DOCK3: variants seen among roughly 807,000 people sequenced by gnomAD.
The protein encoded by DOCK3 is dedicator of cytokinesis protein 3.
Under a neutral mutation model 265.6 loss-of-function variants are expected in DOCK3, and 60 were observed. The ratio of observed to expected loss-of-function variants is 0.23; its 90% CI spans 0.18 to 0.28. The LOEUF is 0.28. Ranked by LOEUF, DOCK3 falls within the 10% of genes least tolerant of loss-of-function variation. The probability of loss-of-function intolerance (pLI) is 1.00; values close to 1 mark genes in which losing one functional copy is unlikely to be tolerated. For missense variants in DOCK3, 1,981 were observed against 2,594.3 expected (o/e 0.76, Z 5.14); for synonymous variants, 881 against 938.0 (o/e 0.94, Z 1.11).
At chr3:51,006,238 A>C (rs2078671149) in intron 5 of DOCK3, among the ~76,000 whole-genome samples, 1 of 107,932 alleles carries the variant, frequency 9.3e-6, no homozygotes, top group South Asian at 3.5e-4. Context: ...CACACTTCTT[A>C]TTTCCCAATC....
At chr3:50,973,231 G>A (rs1444617622) in intron 5 of DOCK3, among the ~76,000 whole-genome samples, 1 of 149,318 alleles carries the variant, frequency 6.7e-6, no homozygotes, top group African/African-American at 2.5e-5. Flanking sequence ...CTGGTGCGCT[G>A]CACCCACTAA....
At chr3:51,207,635 T>C (rs2089287020) in intron 12 of DOCK3, among the ~76,000 whole-genome samples, 1 of 152,172 alleles carries the variant, frequency 6.6e-6, no homozygotes, top group Non-Finnish European at 1.5e-5. Context: ...TGACCTCCTT[T>C]ATCTCTGAGT....
intron 39 of DOCK3, among the ~76,000 whole-genome samples, chr3:51,349,441 G>C (rs2085820904): frequency 6.6e-6 from 1 of 152,142 alleles, no homozygotes; most frequent in African/African-American, 2.4e-5. Context: ...AATCATAATG[G>C]CTGCTGATTT....
At chr3:50,911,649 G>A (rs2107927318) in intron 4 of DOCK3, among the ~76,000 whole-genome samples, 1 of 151,830 alleles carries the variant, frequency 6.6e-6, no homozygotes, top group East Asian at 1.9e-4. Context: ...AAATTTTGTA[G>A]TACCATACAG....
chr3:50,985,770 A>G (rs1320102759), intron 5 of DOCK3, among the ~76,000 whole-genome samples: 1 of 151,980 alleles, frequency 6.6e-6, no homozygotes, highest in Non-Finnish European at 1.5e-5. Context: ...TTTGACAGGT[A>G]TGAATGTATT....
intron 2 of DOCK3, among the ~76,000 whole-genome samples, chr3:50,795,374 T>C (rs560758132): frequency 3.3e-5 from 5 of 152,136 alleles, no homozygotes; most frequent in Admixed American, 1.3e-4. Flanking sequence ...CAATGAGTTA[T>C]GGATTTTGTC....
intron 9 of DOCK3, among the ~76,000 whole-genome samples, chr3:51,138,141 G>T (rs920856455): frequency 6.6e-6 from 1 of 152,162 alleles, no homozygotes; most frequent in East Asian, 1.9e-4. Flanking sequence ...AAGTCCTAGA[G>T]GGTAGAAACC....
chr3:51,311,743 G>C (rs1324954522), intron 28 of DOCK3, among the ~76,000 whole-genome samples: 2 of 152,156 alleles, frequency 1.3e-5, no homozygotes, highest in Non-Finnish European at 2.9e-5. Context: ...ATGAAGGCCA[G>C]GTAATGACAG....
intron 32 of DOCK3, among the ~76,000 whole-genome samples, chr3:51,318,963 T>A (rs1209926340): frequency 6.6e-6 from 1 of 152,142 alleles, no homozygotes; most frequent in Non-Finnish European, 1.5e-5. Flanking sequence ...GCAGATTCCT[T>A]GGGATTTTCT....
At chr3:50,752,507 CAAAAAAAAAA>C (rs1225389276) in intron 1 of DOCK3, among the ~76,000 whole-genome samples, 16 of 30,044 alleles carry the variant, frequency 5.3e-4, no homozygotes, top group Middle Eastern at 0.022. Flanking sequence ...GAGTCCGTCT[CAAAAAAAAAA>C]AAAAAACAAA....
intron 5 of DOCK3, among the ~76,000 whole-genome samples, chr3:50,941,975 G>A (rs575372688): frequency 1.3e-5 from 2 of 152,154 alleles, no homozygotes; most frequent in Admixed American, 1.3e-4. Flanking sequence ...AGTTCTGATT[G>A]TGGTGATAGC....
intron 4 of DOCK3, among the ~76,000 whole-genome samples, chr3:50,922,581 T>G (rs542828328): frequency 9.2e-5 from 14 of 152,246 alleles, no homozygotes; most frequent in South Asian, 8.3e-4. Flanking sequence ...ACCCGGTACC[T>G]CAATTGGAAA....
chr3:50,783,324 TC>T (rs2042021717), intron 2 of DOCK3, among the ~76,000 whole-genome samples: 1 of 152,168 alleles, frequency 6.6e-6, no homozygotes, highest in Non-Finnish European at 1.5e-5. Flanking sequence ...TTTCACCACA[TC>T]CGTGCCAATA....
chr3:50,808,871 G>A (rs150406534), intron 2 of DOCK3, among the ~76,000 whole-genome samples: 3 of 152,312 alleles, frequency 2.0e-5, no homozygotes, highest in African/African-American at 7.2e-5. Flanking sequence ...AATTGAAAAT[G>A]ATGGCCTATC....
At chr3:51,009,402 TA>T (rs1421935153) in intron 5 of DOCK3, among the ~76,000 whole-genome samples, 4 of 152,160 alleles carry the variant, frequency 2.6e-5, no homozygotes, top group African/African-American at 9.6e-5. Context: ...AGTTTATTTT[TA>T]TAGAGGTGTT....
intron 4 of DOCK3, among the ~76,000 whole-genome samples, chr3:50,924,075 G>A (rs571198894): frequency 2.6e-5 from 4 of 152,116 alleles, no homozygotes; most frequent in Non-Finnish European, 5.9e-5. Flanking sequence ...GGGAATCTCA[G>A]CTTCAATATA....
intron 2 of DOCK3, among the ~76,000 whole-genome samples, chr3:50,800,564 T>C (rs1483368306): frequency 1.3e-5 from 2 of 152,090 alleles, no homozygotes; most frequent in Admixed American, 1.3e-4. Context: ...TTGGATCTTC[T>C]CTTTTTTCTT....
intron 5 of DOCK3, among the ~76,000 whole-genome samples, chr3:51,017,852 C>T (rs1441997180): frequency 6.6e-6 from 1 of 151,868 alleles, no homozygotes; most frequent in Non-Finnish European, 1.5e-5. Context: ...CAAATTTACT[C>T]TTCTGTCAAC....
intron 1 of DOCK3, among the ~76,000 whole-genome samples, chr3:50,692,660 T>C (rs986753658): frequency 6.6e-6 from 1 of 152,198 alleles, no homozygotes; most frequent in African/African-American, 2.4e-5. Flanking sequence ...TTGCAAATAT[T>C]TTCTCTTATT....
Sources: gnomAD v4.1 joint callset for allele counts (sites outside exome capture counted in the v4.1 genomes callset) on GRCh38, gnomAD v4.1.1 for gene constraint, MANE v1.5 for transcripts, NCBI Gene and HGNC (gene_info 2026-07-23, HGNC 2026-07-21) for gene names.